The following ARHGAP12 variants were observed in gnomAD, a reference collection of about 807,000 sequenced individuals.
The protein encoded by ARHGAP12 is Rho GTPase activating protein 12, also known as rho GTPase-activating protein 12.
ARHGAP12 carries 64 observed loss-of-function variants against 108.6 expected under a neutral mutation model. The observed-to-expected ratio is 0.59, with a 90% CI of 0.48 to 0.73. ARHGAP12 has a LOEUF of 0.73. Among genes scored for constraint, ARHGAP12 ranks in the 30% least tolerant of loss-of-function variants. ARHGAP12 has a pLI of 0.00. For synonymous variants in ARHGAP12, 312 were observed against 337.2 expected (o/e 0.93, Z 0.82); for missense variants, 940 against 1,005.9 (o/e 0.93, Z 0.89).
intron 3 of ARHGAP12, among the ~76,000 whole-genome samples, chr10:31,880,716 T>C (rs1322244069): frequency 6.6e-6 from 1 of 152,088 alleles, no homozygotes; most frequent in Non-Finnish European, 1.5e-5. Flanking sequence ...AACAATTGTA[T>C]TTCTATAAAT....
chr10:31,853,926 T>A (rs1836790676), intron 5 of ARHGAP12, 140 bp downstream of exon 5: 11 of 886,876 alleles, frequency 1.2e-5, no homozygotes, highest in East Asian at 2.8e-5. Context: ...GTTTTCGTAT[T>A]GTCAATTGGC....
At chr10:31,843,724 G>T in intron 6 of ARHGAP12, 138 bp from the exon 7 acceptor site, 1 of 1,024,844 alleles carries the variant, frequency 9.8e-7, no homozygotes, top group Non-Finnish European at 1.4e-6. Flanking sequence ...AAATTTTCCA[G>T]CCTCAGTTTT....
intron 3 of ARHGAP12, among the ~76,000 whole-genome samples, chr10:31,888,977 T>C (rs1048657930): frequency 3.9e-5 from 6 of 152,104 alleles, no homozygotes; most frequent in Non-Finnish European, 4.4e-5. Flanking sequence ...TGGTGCAATC[T>C]TGGCTCACTG....
At chr10:31,888,450 G>T (rs1233925101) in intron 3 of ARHGAP12, among the ~76,000 whole-genome samples, 1 of 152,196 alleles carries the variant, frequency 6.6e-6, no homozygotes, top group Admixed American at 6.5e-5. Context: ...ATGTGATCCT[G>T]GCAGGTGCCA....
Position 31,813,259 on chromosome 10 carries a change from C to T in ARHGAP12, c.1835-436G>A, listed in dbSNP as rs571141137. On this transcript the variant is annotated intron_variant, in intron 14 of 19. Coordinates refer to ENST00000344936, the MANE Select transcript of ARHGAP12 (RefSeq NM_018287.7). ...TCATTGAATAAGAAAACTGGATATA[C>T]ACACAAATATATAGAGATATAAATA... 3.2e-3 allele frequency among the ~76,000 whole-genome samples: 482 copies of T among 152,184 alleles called. 2 individuals carry two copies. The highest frequency in any genetic ancestry group is 3.3e-3 in the Non-Finnish European group (227 of 67,972).
intron 8 of ARHGAP12, 40 bp downstream of exon 8, chr10:31,839,597 A>C (rs1836171863): frequency 1.3e-6 from 2 of 1,504,094 alleles, no homozygotes; most frequent in Non-Finnish European, 1.8e-6. Flanking sequence ...TGATTGAAAT[A>C]ACTGGACTAC....
chr10:31,924,730 G>A (rs919281085), intron 1 of ARHGAP12, among the ~76,000 whole-genome samples: 18 of 152,062 alleles, frequency 1.2e-4, no homozygotes, highest in Non-Finnish European at 2.4e-4. Flanking sequence ...TCTGCTGTGG[G>A]GAAGGAAAAG....
chr10:31,814,187 T>C (rs1001065002), intron 14 of ARHGAP12, 72 bp downstream of exon 14: 16 of 1,197,122 alleles, frequency 1.3e-5, no homozygotes, highest in African/African-American at 1.1e-4. Flanking sequence ...CTTTTATATA[T>C]GTATTTAAAA....
intron 5 of ARHGAP12, 24 bp from the exon 6 acceptor site, chr10:31,852,621 T>A (rs1422989553): frequency 6.5e-7 from 1 of 1,536,408 alleles, no homozygotes; most frequent in Admixed American, 1.7e-5. Flanking sequence ...ACAGGTGTTT[T>A]TTATTAAATT....
At chr10:31,857,835 A>G (rs1263368014) in intron 4 of ARHGAP12, among the ~76,000 whole-genome samples, 2 of 152,222 alleles carry the variant, frequency 1.3e-5, no homozygotes, top group Non-Finnish European at 2.9e-5. Flanking sequence ...TGTTCTTCAA[A>G]AGTAAAAGTA....
chr10:31,827,937 T>G (rs7080996), intron 10 of ARHGAP12, among the ~76,000 whole-genome samples: 7,663 of 152,208 alleles, frequency 0.05, 645 homozygotes, highest in African/African-American at 0.17. Flanking sequence ...TGGATTAAGA[T>G]AAGTGAAATA....
chr10:31,904,593 G>C (rs1167639313), intron 3 of ARHGAP12, among the ~76,000 whole-genome samples: 1 of 152,074 alleles, frequency 6.6e-6, no homozygotes. Context: ...TACCACTAAA[G>C]GTAACTGGAT....
rs189637485 is a variant in ARHGAP12, at chr10:31,902,812, T to C, written c.684+5360A>G. On this transcript the variant is annotated intron_variant, in intron 3 of 19. Coordinates refer to ENST00000344936, the MANE Select transcript of ARHGAP12 (RefSeq NM_018287.7). ...ATGTGTCAAATGGGCTGGGCCACAG[T>C]ACTCAGATATTTCCATTATTCTGAA... is the stretch of plus-strand genomic sequence containing the variant. 2.0e-3 allele frequency among the ~76,000 whole-genome samples: 301 copies of C among 152,332 alleles called. 1 individual carries two copies. The highest frequency in any genetic ancestry group is 6.9e-3 in the African/African-American group (286 of 41,564).
intron 3 of ARHGAP12, among the ~76,000 whole-genome samples, chr10:31,902,793 C>T (rs896486238): frequency 2.0e-5 from 3 of 152,100 alleles, no homozygotes; most frequent in East Asian, 3.9e-4. Flanking sequence ...CTGTATGTGT[C>T]AAATGGGCTG....
At chr10:31,896,095 G>A (rs913126297) in intron 3 of ARHGAP12, among the ~76,000 whole-genome samples, 1 of 151,960 alleles carries the variant, frequency 6.6e-6, no homozygotes, top group Non-Finnish European at 1.5e-5. Context: ...GTTGTGGGGT[G>A]GGGGGAGCGG....
rs1834909680 is a variant in ARHGAP12 at position 31,808,708 on chromosome 10, G to C, written c.2307C>G (p.Ile769Met). The C allele has an allele frequency of 6.2e-7, 1 of 1,612,144 alleles. No homozygotes were observed. Among genetic ancestry groups the C allele is most frequent in the Non-Finnish European group, 8.5e-7 (1 of 1,178,974 alleles). Residue 769 changes from isoleucine (I) to methionine (M), a missense_variant, in exon 19 of 20, where the codon ATC becomes ATG. Transcript: ENST00000344936. The part of the protein sequence containing the change: ...RQRVAAVKDL[I>M]RQLPKPNQDT... ...CTTGGTTTGGCTTTGGCAACTGTCT[G>C]ATTAGGTCCTTAACAGCAGCGACTC...
At chr10:31,882,820 G>GAAAAAAAAAAAA in intron 3 of ARHGAP12, among the ~76,000 whole-genome samples, 1 of 130,254 alleles carries the variant, frequency 7.7e-6, no homozygotes, top group Non-Finnish European at 1.6e-5. Context: ...CTCTTAAAAA[G>GAAAAAAAAAAAA]AAAAAAAAAA....
intron 13 of ARHGAP12, among the ~76,000 whole-genome samples, chr10:31,815,916 A>C (rs1835184751): frequency 6.6e-6 from 1 of 152,092 alleles, no homozygotes; most frequent in South Asian, 2.1e-4. Flanking sequence ...TTGGGAGGCC[A>C]AGGCTGGCAG....
At chr10:31,869,626 T>C (rs1056865688) in intron 3 of ARHGAP12, among the ~76,000 whole-genome samples, 1 of 152,176 alleles carries the variant, frequency 6.6e-6, no homozygotes, top group Non-Finnish European at 1.5e-5. Context: ...CTGTCATTAA[T>C]TAACAATTGA....
Sources: gnomAD v4.1 joint callset for allele counts (sites outside exome capture counted in the v4.1 genomes callset) on GRCh38, gnomAD v4.1.1 for gene constraint, MANE v1.5 for transcripts, NCBI Gene and HGNC (gene_info 2026-07-23, HGNC 2026-07-21) for gene names.